Variants in AOPEP observed in about 807,000 individuals in gnomAD.
AOPEP encodes aminopeptidase O (putative), also known as aminopeptidase O.
A neutral mutation model predicts 98.1 loss-of-function variants in AOPEP; 77 were observed. The ratio of observed to expected loss-of-function variants is 0.78; its 90% CI spans 0.65 to 0.95. AOPEP has a LOEUF of 0.95. Ranked by LOEUF, AOPEP falls within the 40% of genes least tolerant of loss-of-function variation. AOPEP has a pLI of 0.00. For synonymous variants in AOPEP, 346 were observed against 365.3 expected (o/e 0.95, Z 0.60); for missense variants, 1,024 against 1,024.7 (o/e 1.00, Z 0.01).
At chr9:94,868,492 T>C (rs1029977062) in intron 5 of AOPEP, among the ~76,000 whole-genome samples, 1 of 152,208 alleles carries the variant, frequency 6.6e-6, no homozygotes, top group Admixed American at 6.5e-5. Flanking sequence ...TTTTGACTGC[T>C]AGTATGGATG....
At chr9:95,028,785 C>T (rs1435432129) in intron 13 of AOPEP, among the ~76,000 whole-genome samples, 3 of 152,176 alleles carry the variant, frequency 2.0e-5, no homozygotes, top group Non-Finnish European at 2.9e-5. Flanking sequence ...TAAATATTGA[C>T]GTCCATATTA....
At chr9:95,112,363 C>T in the AOPEP span, among the ~76,000 whole-genome samples, 4 of 152,100 alleles carry the variant, frequency 2.6e-5, no homozygotes, top group African/African-American at 9.7e-5. Flanking sequence ...TGTTCCTGGC[C>T]CCTTTGTTGG....
chr9:94,837,315 T>C (rs1387237061), intron 5 of AOPEP, among the ~76,000 whole-genome samples: 1 of 152,186 alleles, frequency 6.6e-6, no homozygotes, highest in Non-Finnish European at 1.5e-5. Context: ...ACAGCCGAAC[T>C]CTATCAGACT....
chr9:94,841,658 C>T (rs2042289758), intron 5 of AOPEP, among the ~76,000 whole-genome samples: 1 of 152,116 alleles, frequency 6.6e-6, no homozygotes, highest in Non-Finnish European at 1.5e-5. Context: ...CGTCAAAGGA[C>T]ACTTTTTTTG....
chr9:94,837,111 T>C (rs549950038), intron 5 of AOPEP, among the ~76,000 whole-genome samples: 4 of 152,238 alleles, frequency 2.6e-5, no homozygotes, highest in African/African-American at 9.6e-5. Flanking sequence ...AAAAGATCAT[T>C]CAAGGCTACT....
rs757325138 is a variant in AOPEP, at chr9:94,818,716, C to T, written c.1364+17714C>T. On this transcript the variant is annotated intron_variant, in intron 5 of 16. Coordinates refer to ENST00000375315, the MANE Select transcript of AOPEP (RefSeq NM_001193329.3). Reference sequence around the variant, plus strand: ...TCCACATTTAATAACAAATAAAGGCCGGGCGCGGTGGCTCACGCCTGTAAT... The same window carrying T: ...TCCACATTTAATAACAAATAAAGGCTGGGCGCGGTGGCTCACGCCTGTAAT... Among the ~76,000 whole-genome samples, 21 of 152,254 alleles carry T rather than the reference C, an allele frequency of 1.4e-4. No homozygotes were observed. The South Asian group carries it at 1.7e-3, about 12-fold the overall frequency.
downstream of AOPEP, among the ~76,000 whole-genome samples, chr9:95,091,887 C>T (rs1365675518): frequency 6.6e-6 from 1 of 152,196 alleles, no homozygotes; most frequent in East Asian, 1.9e-4. Context: ...CCCCAGCAGC[C>T]CCCATGGGAG....
intron 5 of AOPEP, among the ~76,000 whole-genome samples, chr9:94,901,432 C>T (rs1355319303): frequency 6.6e-6 from 1 of 151,740 alleles, no homozygotes; most frequent in Non-Finnish European, 1.5e-5. Context: ...ACACCTAGCC[C>T]AAGTTTCCAC....
intron 5 of AOPEP, among the ~76,000 whole-genome samples, chr9:94,910,754 A>G (rs2051906475): frequency 6.6e-6 from 1 of 152,168 alleles, no homozygotes; most frequent in African/African-American, 2.4e-5. Context: ...ATCTTTTGGC[A>G]GTTCCTAACA....
chr9:95,108,437 T>C, the AOPEP span, among the ~76,000 whole-genome samples: 7 of 152,222 alleles, frequency 4.6e-5, no homozygotes, highest in African/African-American at 1.7e-4. Flanking sequence ...TTTATATCTG[T>C]TTTTTCTCTT....
intron 13 of AOPEP, among the ~76,000 whole-genome samples, chr9:95,034,217 G>A (rs1228600408): frequency 6.6e-6 from 1 of 152,180 alleles, no homozygotes; most frequent in Non-Finnish European, 1.5e-5. Context: ...AAGCCAAGAT[G>A]TAGGTAGCGA....
intron 13 of AOPEP, among the ~76,000 whole-genome samples, chr9:95,014,312 A>G (rs1451342311): frequency 6.6e-6 from 1 of 152,028 alleles, no homozygotes; most frequent in East Asian, 1.9e-4. Flanking sequence ...AGAAAAAAAA[A>G]AGAACACAAA....
intron 5 of AOPEP, among the ~76,000 whole-genome samples, chr9:94,841,572 G>A (rs2042278115): frequency 6.6e-6 from 1 of 152,218 alleles, no homozygotes; most frequent in Non-Finnish European, 1.5e-5. Flanking sequence ...CTGTTTAGAT[G>A]TGTGTTGTTT....
chr9:94,766,574 A>G (rs1564095546), intron 2 of AOPEP, among the ~76,000 whole-genome samples: 1 of 152,196 alleles, frequency 6.6e-6, no homozygotes, highest in Non-Finnish European at 1.5e-5. Flanking sequence ...TCTCTTTGAT[A>G]ACCCATTCTC....
intron 5 of AOPEP, among the ~76,000 whole-genome samples, chr9:94,861,985 A>G (rs970305411): frequency 6.6e-6 from 1 of 152,206 alleles, no homozygotes; most frequent in African/African-American, 2.4e-5. Context: ...GTTTATGAAA[A>G]GCAGCTTACT....
intron 1 of AOPEP, among the ~76,000 whole-genome samples, chr9:94,740,653 A>G (rs952095138): frequency 2.6e-5 from 4 of 152,290 alleles, no homozygotes; most frequent in Non-Finnish European, 2.9e-5. Context: ...TGCAGGACAC[A>G]AGATCACATG....
Position 94,953,095 on chromosome 9 carries a change from C to T in AOPEP, c.1662-2082C>T, listed in dbSNP as rs1323620780. 2.6e-5 allele frequency among the ~76,000 whole-genome samples: 4 copies of T among 152,186 alleles called. 1 individual carries two copies. The South Asian group carries it at 6.2e-4, about 24-fold the overall frequency. On this transcript the variant is annotated intron_variant, in intron 7 of 16. Transcript: ENST00000375315. ...CAACTCTGCCTGTCTTAGGGCTGGG[C>T]AACCTAGTTTGAGTTCAGACTGACT...
chr9:95,070,166 C>G (rs978403308), intron 14 of AOPEP, among the ~76,000 whole-genome samples: 1 of 152,246 alleles, frequency 6.6e-6, no homozygotes, highest in Admixed American at 6.5e-5. Flanking sequence ...GGGCAGTCCC[C>G]CACTGGAATG....
chr9:94,801,582 G>C lies in AOPEP; in HGVS notation c.1364+580G>C, dbSNP rs572762108. Among the ~76,000 whole-genome samples, 6 of 152,150 alleles carry C rather than the reference G, an allele frequency of 3.9e-5. No individual in the cohort carries two copies. In the South Asian group the frequency reaches 1.0e-3, roughly 26 times the overall value. On this transcript the variant is annotated intron_variant, in intron 5 of 16. Coordinates refer to ENST00000375315, the MANE Select transcript of AOPEP (RefSeq NM_001193329.3). The stretch of plus-strand genomic sequence containing the variant: ...CTGTGGGGGTTGGAGGAGGAGTCAC[G>C]TGCTACTATTTTTTAACAAATGCAC...
Sources: gnomAD v4.1 joint callset for allele counts (sites outside exome capture counted in the v4.1 genomes callset) on GRCh38, gnomAD v4.1.1 for gene constraint, MANE v1.5 for transcripts, NCBI Gene and HGNC (gene_info 2026-07-23, HGNC 2026-07-21) for gene names.